The following CDH18 variants were observed in gnomAD, a reference collection of about 807,000 sequenced individuals.
CDH18 encodes the protein cadherin 18.
CDH18 carries 31 observed loss-of-function variants against 67.9 expected under a neutral mutation model. The observed-to-expected ratio is 0.46, with a 90% CI of 0.34 to 0.62. The LOEUF (loss-of-function observed/expected upper bound fraction) is 0.62, where lower values mean the gene tolerates loss of function less well. CDH18 is among the 20% of genes least tolerant of loss of function. The pLI is 0.01. For synonymous variants in CDH18, 362 were observed against 347.2 expected, an observed-to-expected ratio of 1.04 and a Z score of -0.48; for missense variants, 890 against 975.5, an observed-to-expected ratio of 0.91 and a Z score of 1.17.
chr5:20,184,256 A>G (rs528545201), intron 2 of CDH18, among the ~76,000 whole-genome samples: 5 of 152,176 alleles, frequency 3.3e-5, no homozygotes, highest in African/African-American at 1.2e-4. Flanking sequence ...CAAAAAAATA[A>G]TTTGTTACGA....
intron 2 of CDH18, among the ~76,000 whole-genome samples, chr5:20,199,223 G>T (rs2126745933): frequency 6.6e-6 from 1 of 152,268 alleles, no homozygotes; most frequent in East Asian, 1.9e-4. Flanking sequence ...GACACTCAAT[G>T]CCAGCCATAA....
At chr5:19,897,144 A>C (rs1035233134) in intron 2 of CDH18, among the ~76,000 whole-genome samples, 4 of 152,140 alleles carry the variant, frequency 2.6e-5, no homozygotes, top group Non-Finnish European at 5.9e-5. Context: ...AATAGAATGA[A>C]AAAGCAATCT....
intron 1 of CDH18, among the ~76,000 whole-genome samples, chr5:20,394,368 C>T (rs58351132): frequency 0.023 from 3,429 of 151,974 alleles, 119 homozygotes; most frequent in African/African-American, 0.078. Flanking sequence ...TGTAGAAGAA[C>T]GAATCCTGCA....
intron 2 of CDH18, among the ~76,000 whole-genome samples, chr5:20,031,651 A>T (rs916570659): frequency 4.6e-5 from 7 of 151,208 alleles, no homozygotes; most frequent in Non-Finnish European, 8.8e-5. Context: ...TGAAAAAAAC[A>T]AAACAAAACA....
chr5:20,117,346 G>A (rs1395496802), intron 2 of CDH18, among the ~76,000 whole-genome samples: 1 of 152,052 alleles, frequency 6.6e-6, no homozygotes, highest in African/African-American at 2.4e-5. Flanking sequence ...AATGAAGTAT[G>A]ACTAATTTCC....
In CDH18 at chr5:20,357,854, A is replaced by G. The variant is rs369926584; in HGVS notation, c.-579-102349T>C. Among the ~76,000 whole-genome samples the G allele has an allele frequency of 1.6e-4, 24 of 152,304 alleles. No individual in the cohort carries two copies. In the East Asian group the frequency reaches 2.5e-3, roughly 16 times the overall value. ...AAAGGACATATGCACTTGCATGCTC[A>G]CTGCAGCACTATTTGCAATAGCAAA... On this transcript the variant is annotated intron_variant, in intron 1 of 14. Coordinates refer to the CDH18 transcript ENST00000507958.
chr5:19,832,518 G>A (rs747110671), intron 3 of CDH18, among the ~76,000 whole-genome samples: 3 of 151,996 alleles, frequency 2.0e-5, no homozygotes, highest in East Asian at 1.9e-4. Context: ...CCCTTCTCAC[G>A]TTTACAGTGA....
Position 19,974,228 on chromosome 5 carries a change from G to A in CDH18, c.-257+6832C>T, listed in dbSNP as rs184324491. Among the ~76,000 whole-genome samples the A allele has an allele frequency of 2.0e-5, 3 of 152,144 alleles. No individual in the cohort carries two copies. The East Asian group carries it at 5.8e-4, about 29-fold the overall frequency. On this transcript the variant is annotated intron_variant, in intron 2 of 12. Transcript: ENST00000382275. ...GATGTCAGAAACATGTTAAATCTGA[G>A]CAGAGTAAATAGGCGGTGTTGTCCC... is the stretch of plus-strand genomic sequence containing the variant.
At chr5:20,334,661 C>T (rs1451535660) in intron 1 of CDH18, among the ~76,000 whole-genome samples, 2 of 151,388 alleles carry the variant, frequency 1.3e-5, no homozygotes, top group East Asian at 3.9e-4. Context: ...ATTTCTATAA[C>T]TAATAATATT....
At chr5:20,472,844 A>T (rs1248193623) in intron 1 of CDH18, among the ~76,000 whole-genome samples, 1 of 152,162 alleles carries the variant, frequency 6.6e-6, no homozygotes. Context: ...TCCCTCATAA[A>T]CAAGTTTTGT....
intron 7 of CDH18, 98 bp from the exon 8 acceptor site, chr5:19,571,930 T>C (rs1384567814): frequency 2.1e-6 from 2 of 935,782 alleles, no homozygotes; most frequent in Non-Finnish European, 3.2e-6. Flanking sequence ...CTTTTTAGAA[T>C]AAAATAATTG....
At chr5:19,622,283 A>G (rs1750831780) in intron 5 of CDH18, among the ~76,000 whole-genome samples, 1 of 152,314 alleles carries the variant, frequency 6.6e-6, no homozygotes, top group South Asian at 2.1e-4. Flanking sequence ...ACTGCTCAGG[A>G]TACAGTCTTT....
At chr5:19,583,120 A>C (rs1176919374) in intron 7 of CDH18, among the ~76,000 whole-genome samples, 1 of 152,052 alleles carries the variant, frequency 6.6e-6, no homozygotes, top group Non-Finnish European at 1.5e-5. Flanking sequence ...GTACTTGGTT[A>C]TGAAAGTGTT....
chr5:19,885,867 A>G (rs1788141135), intron 2 of CDH18, among the ~76,000 whole-genome samples: 1 of 152,126 alleles, frequency 6.6e-6, no homozygotes, highest in African/African-American at 2.4e-5. Context: ...ATGTGTTTAC[A>G]ATTTCTTAGT....
intron 5 of CDH18, among the ~76,000 whole-genome samples, chr5:19,696,225 ATGTG>A (rs1192392126): frequency 1.5e-4 from 11 of 74,982 alleles, no homozygotes; most frequent in African/African-American, 4.4e-4. Context: ...CACCAAATAT[ATGTG>A]TGTGTGTGTG....
chr5:20,142,635 G>T (rs1750332745), intron 2 of CDH18, among the ~76,000 whole-genome samples: 1 of 151,814 alleles, frequency 6.6e-6, no homozygotes, highest in African/African-American at 2.4e-5. Flanking sequence ...AAGGTAATTA[G>T]GGTGAACTCT....
intron 1 of CDH18, among the ~76,000 whole-genome samples, chr5:20,449,810 T>A (rs1750289649): frequency 7.3e-6 from 1 of 137,752 alleles, no homozygotes; most frequent in Non-Finnish European, 1.7e-5. Context: ...TTATCTTTCA[T>A]GTTTGTCTAC....
intron 3 of CDH18, among the ~76,000 whole-genome samples, chr5:19,772,107 A>C (rs1773799345): frequency 6.6e-6 from 1 of 152,180 alleles, no homozygotes; most frequent in Admixed American, 6.6e-5. Context: ...CTGTCGTTAA[A>C]AAATAATTAC....
At chr5:19,772,336 A>G (rs967366764) in intron 3 of CDH18, among the ~76,000 whole-genome samples, 1 of 152,148 alleles carries the variant, frequency 6.6e-6, no homozygotes, top group Admixed American at 6.5e-5. Context: ...TGCCCAATAA[A>G]ATCCCAAGAG....
Sources: allele counts gnomAD v4.1 joint callset (sites outside exome capture counted in the v4.1 genomes callset), GRCh38; gene constraint gnomAD v4.1.1; transcripts MANE v1.5; gene names NCBI Gene and HGNC (gene_info 2026-07-23, HGNC 2026-07-21).